Variants in CA10 observed in about 807,000 individuals in gnomAD.
CA10 encodes the protein carbonic anhydrase 10 (inactive), also known as carbonic anhydrase-related protein 10.
A neutral mutation model predicts 44.2 loss-of-function variants in CA10; 14 were observed. The ratio of observed to expected loss-of-function variants is 0.32; its 90% CI spans 0.21 to 0.50. The LOEUF (loss-of-function observed/expected upper bound fraction) is 0.50, where lower values mean the gene tolerates loss of function less well. Among genes scored for constraint, CA10 ranks in the 20% least tolerant of loss-of-function variants. The pLI is 0.99. For missense variants in CA10, 350 were observed against 409.7 expected, an observed-to-expected ratio of 0.85 and a Z score of 1.26; for synonymous variants, 159 against 141.6, an observed-to-expected ratio of 1.12 and a Z score of -0.87.
At chr17:52,125,155 A>G (rs1683393134) in intron 1 of CA10, among the ~76,000 whole-genome samples, 1 of 152,212 alleles carries the variant, frequency 6.6e-6, no homozygotes, top group Admixed American at 6.5e-5. Context: ...ATTCTTCTGG[A>G]AGCCCGCTGA....
chr17:51,878,877 TATATATA>T (rs1980222915), intron 3 of CA10, among the ~76,000 whole-genome samples: 4 of 23,888 alleles, frequency 1.7e-4, no homozygotes, highest in African/African-American at 1.9e-4. Context: ...TATATATATA[TATATATA>T]TATATATGGG....
At chr17:51,941,785 C>T (rs1207217899) in intron 2 of CA10, among the ~76,000 whole-genome samples, 1 of 152,068 alleles carries the variant, frequency 6.6e-6, no homozygotes, top group Non-Finnish European at 1.5e-5. Context: ...GAAAGTTCAC[C>T]AAAACAGTAT....
At chr17:51,857,320 C>T (rs995037774) in intron 3 of CA10, among the ~76,000 whole-genome samples, 1 of 152,012 alleles carries the variant, frequency 6.6e-6, no homozygotes, top group South Asian at 2.1e-4. Flanking sequence ...CATGGCAGAG[C>T]GAAGACTAGA....
chr17:52,072,252 G>A lies in CA10; in HGVS notation c.136+67C>T, dbSNP rs987817874. The A allele has an allele frequency of 7.8e-6, 9 of 1,147,448 alleles. No homozygotes were observed. In the African/African-American group the frequency reaches 1.1e-4, roughly 14 times the overall value. 71.1% of individuals were successfully genotyped at this position (1,147,448 alleles called of 1,614,324 possible). A position where few individuals can be genotyped will look rare whatever the true frequency, so the allele number is the denominator to read the frequency against. On this transcript the variant is annotated intron_variant, in intron 2 of 8. Transcript: ENST00000451037. ...CTCACCTTTTGCAATGTAAAATCCT[G>A]GAAATAATGCTAGCCTTCATTCTAA...
At chr17:51,723,997 G>T (rs1315201641) in intron 4 of CA10, among the ~76,000 whole-genome samples, 1 of 152,162 alleles carries the variant, frequency 6.6e-6, no homozygotes, top group African/African-American at 2.4e-5. Flanking sequence ...GCTCCCAACG[G>T]TGCTGCAGGG....
At chr17:52,073,337 C>G (rs1306591118) in intron 1 of CA10, among the ~76,000 whole-genome samples, 1 of 152,028 alleles carries the variant, frequency 6.6e-6, no homozygotes, top group South Asian at 2.1e-4. Flanking sequence ...GAATGCAAGG[C>G]TTTGTATAGA....
chr17:51,736,625 T>C lies in CA10; in HGVS notation c.465+11008A>G, dbSNP rs144097798. On this transcript the variant is annotated intron_variant, in intron 4 of 8. Transcript: ENST00000451037. ...GTCCAGAAATTTCTAGCTCAGCAAA[T>C]AGATCCAAAGCAAGATGACGAATTC... Among the ~76,000 whole-genome samples, 298 of 152,200 alleles carry C rather than the reference T, an allele frequency of 2.0e-3. 1 individual carries two copies. The highest frequency in any genetic ancestry group is 6.8e-3 in the African/African-American group (284 of 41,514).
At chr17:52,001,946 G>A (rs998068876) in intron 2 of CA10, among the ~76,000 whole-genome samples, 10 of 151,946 alleles carry the variant, frequency 6.6e-5, no homozygotes, top group African/African-American at 2.4e-4. Context: ...GTTACCCTGA[G>A]GTTCAAGGCT....
At chr17:51,765,928 C>G (rs16950484) in intron 3 of CA10, among the ~76,000 whole-genome samples, 4,800 of 152,160 alleles carry the variant, frequency 0.032, 198 homozygotes, top group African/African-American at 0.099. Context: ...GAGATCACTA[C>G]GAGGTAAGCA....
intron 2 of CA10, among the ~76,000 whole-genome samples, chr17:52,050,505 A>G (rs1445628984): frequency 6.6e-6 from 1 of 152,220 alleles, no homozygotes; most frequent in East Asian, 1.9e-4. Flanking sequence ...TACTCTGGTT[A>G]ACACTCTATA....
At chr17:51,663,504 G>T (rs1914087156) in intron 4 of CA10, among the ~76,000 whole-genome samples, 1 of 142,786 alleles carries the variant, frequency 7.0e-6, no homozygotes, top group African/African-American at 2.6e-5. Flanking sequence ...AGGAGAGTTA[G>T]GCTCTGGCTC....
At chr17:51,666,370 C>T (rs1914208046) in intron 4 of CA10, among the ~76,000 whole-genome samples, 2 of 152,172 alleles carry the variant, frequency 1.3e-5, no homozygotes, top group African/African-American at 2.4e-5. Flanking sequence ...ATTGTCTATC[C>T]TCAGAACAGT....
chr17:51,934,616 A>G (rs1352313207), intron 2 of CA10, among the ~76,000 whole-genome samples: 1 of 152,116 alleles, frequency 6.6e-6, no homozygotes, highest in Non-Finnish European at 1.5e-5. Context: ...AGTAACATAC[A>G]TAGAAGGGCC....
At chr17:51,944,013 G>T (rs1011958387) in intron 2 of CA10, among the ~76,000 whole-genome samples, 1 of 152,054 alleles carries the variant, frequency 6.6e-6, no homozygotes, top group African/African-American at 2.4e-5. Flanking sequence ...ACCCACCATT[G>T]CTCTCAATTT....
At chr17:51,681,575 A>G (rs534376586) in intron 4 of CA10, among the ~76,000 whole-genome samples, 4 of 152,298 alleles carry the variant, frequency 2.6e-5, no homozygotes, top group East Asian at 1.9e-4. Flanking sequence ...ACCCCCAGTC[A>G]TGACAACCCT....
chr17:51,860,251 A>G lies in CA10; in HGVS notation c.279+70739T>C, dbSNP rs145523128. On this transcript the variant is annotated intron_variant, in intron 3 of 8. Transcript: ENST00000451037. ...TTTTACAGGATCCAGTGCTGACCCC[A>G]TGAAATTAGCCCTCCCTATTTAGAA... Among the ~76,000 whole-genome samples, 113 of 152,324 alleles carry G rather than the reference A, an allele frequency of 7.4e-4. 1 individual carries two copies. The highest frequency in any genetic ancestry group is 2.5e-3 in the African/African-American group (105 of 41,574).
chr17:51,881,411 A>C (rs1378298600), intron 3 of CA10, among the ~76,000 whole-genome samples: 3 of 152,156 alleles, frequency 2.0e-5, no homozygotes, highest in African/African-American at 7.2e-5. Flanking sequence ...CCCAGGATTC[A>C]CAAAGATTCA....
At chr17:51,684,401 GC>G (rs1048994556) in intron 4 of CA10, among the ~76,000 whole-genome samples, 2 of 152,206 alleles carry the variant, frequency 1.3e-5, no homozygotes, top group African/African-American at 4.8e-5. Flanking sequence ...GGAAACCAGT[GC>G]ACCCCCACCG....
intron 2 of CA10, among the ~76,000 whole-genome samples, chr17:52,029,945 GAGAA>G (rs1598175181): frequency 6.6e-6 from 1 of 152,166 alleles, no homozygotes; most frequent in South Asian, 2.1e-4. Flanking sequence ...TACTTTAAGA[GAGAA>G]AGACTTTTAT....
Sources: allele counts gnomAD v4.1 joint callset (sites outside exome capture counted in the v4.1 genomes callset), GRCh38; gene constraint gnomAD v4.1.1; transcripts MANE v1.5; gene names NCBI Gene and HGNC (gene_info 2026-07-23, HGNC 2026-07-21).